Variants in NEGR1 observed in about 807,000 individuals in gnomAD.
The protein encoded by NEGR1 is IgLON family member 4.
In NEGR1, 10 loss-of-function variants were observed where a neutral mutation model predicts 40.9. The ratio of observed to expected loss-of-function variants is 0.24; its 90% CI spans 0.15 to 0.42. The LOEUF (loss-of-function observed/expected upper bound fraction) is 0.42. Among genes scored for constraint, NEGR1 ranks in the 10% least tolerant of loss-of-function variants. NEGR1 has a pLI of 1.00. For missense variants in NEGR1, 352 were observed against 438.9 expected (o/e 0.80, Z 1.77); for synonymous variants, 185 against 166.8 (o/e 1.11, Z -0.84).
chr1:72,143,913 TAATATATA>T (rs1650791988), intron 1 of NEGR1, among the ~76,000 whole-genome samples: 1 of 98,532 alleles, frequency 1.0e-5, no homozygotes, highest in African/African-American at 5.1e-5. Context: ...ATGATATATA[TAATATATA>T]TATATATATA....
chr1:71,566,677 C>A (rs1158879972), intron 6 of NEGR1, among the ~76,000 whole-genome samples: 1 of 152,134 alleles, frequency 6.6e-6, no homozygotes, highest in Non-Finnish European at 1.5e-5. Context: ...GCCAAATGAT[C>A]TCGGCAACTT....
chr1:72,179,033 A>T (rs1346641460), intron 1 of NEGR1, among the ~76,000 whole-genome samples: 1 of 151,530 alleles, frequency 6.6e-6, no homozygotes, highest in Non-Finnish European at 1.5e-5. Flanking sequence ...CCAATTTTAG[A>T]GGTTTTTTCA....
intron 2 of NEGR1, among the ~76,000 whole-genome samples, chr1:71,850,512 C>A (rs1259908732): frequency 2.6e-5 from 4 of 152,058 alleles, no homozygotes; most frequent in African/African-American, 7.2e-5. Context: ...AACTCCTACA[C>A]GGCCCTTTTG....
At chr1:71,809,882 C>G (rs905523696) in intron 2 of NEGR1, among the ~76,000 whole-genome samples, 1 of 152,096 alleles carries the variant, frequency 6.6e-6, no homozygotes, top group African/African-American at 2.4e-5. Flanking sequence ...GTGATCCTAA[C>G]AGACAAATTG....
intron 1 of NEGR1, among the ~76,000 whole-genome samples, chr1:71,939,631 T>C (rs898678125): frequency 1.8e-4 from 28 of 152,178 alleles, no homozygotes; most frequent in Admixed American, 5.9e-4. Flanking sequence ...TCTAAATCAG[T>C]AAGTGAAGAA....
At chr1:71,465,264 G>A (rs1435208023) in intron 6 of NEGR1, among the ~76,000 whole-genome samples, 1 of 152,082 alleles carries the variant, frequency 6.6e-6, no homozygotes, top group East Asian at 1.9e-4. Flanking sequence ...CACTACGCTA[G>A]ATGCTGAAGA....
chr1:71,486,305 A>T (rs1469768781), intron 6 of NEGR1: 1 of 151,108 alleles, frequency 6.6e-6, no homozygotes, highest in Non-Finnish European at 1.5e-5. Context: ...TTGTGTTTTT[A>T]TTGTTGGGTT....
chr1:71,765,823 A>T (rs1290884712), intron 3 of NEGR1, among the ~76,000 whole-genome samples: 1 of 152,192 alleles, frequency 6.6e-6, no homozygotes, highest in African/African-American at 2.4e-5. Context: ...TCTCCTTTAC[A>T]AGTGATCAAT....
chr1:71,925,514 A>G lies in NEGR1; in HGVS notation c.409+9565T>C, dbSNP rs559088104. Among the ~76,000 whole-genome samples the G allele has an allele frequency of 3.9e-5, 6 of 152,266 alleles. No homozygotes were observed. The East Asian group carries it at 1.2e-3, about 29-fold the overall frequency. On this transcript the variant is annotated intron_variant, in intron 2 of 6. Transcript: ENST00000357731. ...TTTGCCACCAGTTTTAATTGTGTCCATTTTCTTGTTGGTGCTACATATGAT... is the reference window on the plus strand; with the variant it reads ...TTTGCCACCAGTTTTAATTGTGTCCGTTTTCTTGTTGGTGCTACATATGAT...
intron 3 of NEGR1, among the ~76,000 whole-genome samples, chr1:71,726,097 G>T (rs1193836470): frequency 1.3e-5 from 2 of 152,148 alleles, no homozygotes; most frequent in African/African-American, 4.8e-5. Context: ...TTAGTATTTA[G>T]AAAACTTAGA....
chr1:72,047,199 G>T (rs1448273950), intron 1 of NEGR1, among the ~76,000 whole-genome samples: 1 of 150,744 alleles, frequency 6.6e-6, no homozygotes, highest in Non-Finnish European at 1.5e-5. Context: ...ATCCATTTCA[G>T]TAAGCATTTC....
chr1:72,228,774 T>C (rs1037373251), intron 1 of NEGR1, among the ~76,000 whole-genome samples: 4 of 152,038 alleles, frequency 2.6e-5, no homozygotes, highest in Non-Finnish European at 5.9e-5. Flanking sequence ...TTGAGGAAAA[T>C]GAAAGTTAAA....
At chr1:71,755,801 G>A (rs148420097) in intron 3 of NEGR1, among the ~76,000 whole-genome samples, 201 of 152,204 alleles carry the variant, frequency 1.3e-3, no homozygotes, top group African/African-American at 4.6e-3. Flanking sequence ...ACTCCTTGAT[G>A]GTGGTAGCTA....
At chr1:71,923,589 G>T (rs1163443677) in intron 2 of NEGR1, among the ~76,000 whole-genome samples, 1 of 152,148 alleles carries the variant, frequency 6.6e-6, no homozygotes, top group African/African-American at 2.4e-5. Flanking sequence ...TATCTTACAT[G>T]TCTGTTAGGG....
chr1:72,062,870 G>T (rs369164742), intron 1 of NEGR1, among the ~76,000 whole-genome samples: 13 of 151,996 alleles, frequency 8.6e-5, no homozygotes, highest in African/African-American at 3.1e-4. Flanking sequence ...AACCAATTAA[G>T]AAATGGATAG....
At chr1:72,272,457 T>C (rs887864164) in intron 1 of NEGR1, among the ~76,000 whole-genome samples, 5 of 151,948 alleles carry the variant, frequency 3.3e-5, no homozygotes, top group African/African-American at 7.2e-5. Flanking sequence ...ATTTATTAAA[T>C]TAGAAAAACT....
chr1:71,860,402 T>C (rs1222306677), intron 2 of NEGR1, among the ~76,000 whole-genome samples: 1 of 152,010 alleles, frequency 6.6e-6, no homozygotes, highest in Non-Finnish European at 1.5e-5. Context: ...CTTTGCCCAG[T>C]AAATCTTGTG....
chr1:71,591,522 A>G (rs1041116627), intron 6 of NEGR1, among the ~76,000 whole-genome samples: 2 of 152,182 alleles, frequency 1.3e-5, no homozygotes, highest in African/African-American at 4.8e-5. Flanking sequence ...CATTTAAAAT[A>G]TTAATAATAT....
At chr1:71,468,840 A>G (rs1166951850) in intron 6 of NEGR1, 1 of 152,088 alleles carries the variant, frequency 6.6e-6, no homozygotes, top group East Asian at 1.9e-4. Flanking sequence ...ATAACTCATC[A>G]AAATTTCAGC....
Sources: gnomAD v4.1 joint callset for allele counts (sites outside exome capture counted in the v4.1 genomes callset) on GRCh38, gnomAD v4.1.1 for gene constraint, MANE v1.5 for transcripts, NCBI Gene and HGNC (gene_info 2026-07-23, HGNC 2026-07-21) for gene names.